The following LMBR1 variants were observed in gnomAD, a reference collection of about 807,000 sequenced individuals.
The protein encoded by LMBR1 is limb region 1 protein homolog.
In LMBR1, 52 loss-of-function variants were observed where a neutral mutation model predicts 73.9. The observed-to-expected ratio is 0.70, with a 90% CI of 0.56 to 0.89. The LOEUF (loss-of-function observed/expected upper bound fraction) is 0.89, where lower values mean the gene tolerates loss of function less well. Ranked by LOEUF, LMBR1 falls within the 40% of genes least tolerant of loss-of-function variation. The pLI is 0.00. For synonymous variants in LMBR1, 215 were observed against 209.4 expected (o/e 1.03, Z -0.23); for missense variants, 539 against 579.8 (o/e 0.93, Z 0.72).
At chr7:156,774,732 T>C (rs1182156257) in intron 5 of LMBR1, among the ~76,000 whole-genome samples, 1 of 151,952 alleles carries the variant, frequency 6.6e-6, no homozygotes. Context: ...CTCAGGAGGC[T>C]GAGGCAGGAG....
At chr7:156,876,761 C>A (rs1800237800) in intron 1 of LMBR1, among the ~76,000 whole-genome samples, 1 of 152,100 alleles carries the variant, frequency 6.6e-6, no homozygotes, top group Admixed American at 6.6e-5. Flanking sequence ...TTTTAAAATT[C>A]TTCAAACCAA....
intron 1 of LMBR1, among the ~76,000 whole-genome samples, chr7:156,852,204 A>G (rs1340144931): frequency 6.6e-6 from 1 of 152,240 alleles, no homozygotes; most frequent in African/African-American, 2.4e-5. Context: ...GGAAATGGGA[A>G]AAACAAAGTA....
At chr7:156,833,426 G>A (rs772736738) in intron 3 of LMBR1, 18 of 258,432 alleles carry the variant, frequency 7.0e-5, no homozygotes, top group Middle Eastern at 1.1e-3. Flanking sequence ...TCCGCTGCTC[G>A]GTTCAAGAGC....
chr7:156,802,903 G>C (rs1372983542), intron 4 of LMBR1, among the ~76,000 whole-genome samples: 1 of 152,070 alleles, frequency 6.6e-6, no homozygotes, highest in Non-Finnish European at 1.5e-5. Flanking sequence ...AATGGGGAAA[G>C]GATTCCCTAT....
At chr7:156,877,791 G>A (rs1417578600) in intron 1 of LMBR1, among the ~76,000 whole-genome samples, 1 of 151,888 alleles carries the variant, frequency 6.6e-6, no homozygotes, top group East Asian at 1.9e-4. Context: ...GCTGAAGCAG[G>A]AGAATGGCGT....
intron 9 of LMBR1, among the ~76,000 whole-genome samples, chr7:156,746,231 T>C (rs1162587604): frequency 6.6e-6 from 1 of 152,212 alleles, no homozygotes; most frequent in Non-Finnish European, 1.5e-5. Context: ...AACTTGTATA[T>C]CTCATTGACT....
intron 1 of LMBR1, among the ~76,000 whole-genome samples, chr7:156,866,132 G>A (rs1367520710): frequency 6.6e-6 from 1 of 150,582 alleles, no homozygotes; most frequent in Non-Finnish European, 1.5e-5. Context: ...AATCAAGAAA[G>A]TAAAAAGATG....
chr7:156,858,097 A>G (rs114861864), intron 1 of LMBR1, among the ~76,000 whole-genome samples: 2,361 of 151,676 alleles, frequency 0.016, 62 homozygotes, highest in African/African-American at 0.053. Flanking sequence ...AAAGTTTAAA[A>G]AAAGCACAAA....
chr7:156,693,667 A>G (rs1246877079), intron 15 of LMBR1, among the ~76,000 whole-genome samples: 1 of 152,242 alleles, frequency 6.6e-6, no homozygotes, highest in Non-Finnish European at 1.5e-5. Context: ...AGCAAAGAAA[A>G]GCCCAGGACC....
chr7:156,773,084 C>T (rs1825499175), intron 5 of LMBR1, among the ~76,000 whole-genome samples: 2 of 150,620 alleles, frequency 1.3e-5, no homozygotes, highest in Non-Finnish European at 3.0e-5. Context: ...AGAATGGCCA[C>T]AAAAAAATGA....
intron 5 of LMBR1, among the ~76,000 whole-genome samples, chr7:156,782,207 C>T (rs938731278): frequency 2.6e-5 from 4 of 152,170 alleles, no homozygotes; most frequent in African/African-American, 7.2e-5. Context: ...GTGTGGTTTA[C>T]TCATTATTCA....
chr7:156,733,932 G>C (rs573727592), intron 10 of LMBR1: 3 of 306,754 alleles, frequency 9.8e-6, no homozygotes, highest in Admixed American at 4.7e-5. Context: ...GAAGGCAATG[G>C]AGCAACATCT....
intron 5 of LMBR1, among the ~76,000 whole-genome samples, chr7:156,772,191 T>C (rs1328808683): frequency 6.6e-6 from 1 of 152,108 alleles, no homozygotes; most frequent in Non-Finnish European, 1.5e-5. Context: ...GGAGAATCAC[T>C]TGAACCTGGG....
intron 9 of LMBR1, among the ~76,000 whole-genome samples, chr7:156,736,817 A>G (rs767205879): frequency 3.9e-5 from 6 of 152,212 alleles, no homozygotes; most frequent in African/African-American, 9.7e-5. Flanking sequence ...AGAATTAGCA[A>G]TAATTTTTCT....
chr7:156,805,215 CTTTTT>C (rs58044015), intron 4 of LMBR1, among the ~76,000 whole-genome samples: 1 of 122,778 alleles, frequency 8.1e-6, no homozygotes, highest in Non-Finnish European at 1.7e-5. Flanking sequence ...ACATCATGCA[CTTTTT>C]TTTTTTTTTT....
intron 4 of LMBR1, among the ~76,000 whole-genome samples, chr7:156,813,262 T>C (rs1833399037): frequency 6.6e-6 from 1 of 152,178 alleles, no homozygotes; most frequent in African/African-American, 2.4e-5. Flanking sequence ...TAGTCCTCAA[T>C]AATACAGAAA....
At chr7:156,865,985 G>T (rs1798392551) in intron 1 of LMBR1, among the ~76,000 whole-genome samples, 1 of 151,672 alleles carries the variant, frequency 6.6e-6, no homozygotes, top group Admixed American at 6.6e-5. Context: ...TAAAATTATT[G>T]GAAGAAGGTA....
intron 1 of LMBR1, among the ~76,000 whole-genome samples, chr7:156,891,233 T>C (rs10241955): frequency 0.32 from 21,954 of 67,560 alleles, 3,987 homozygotes; most frequent in East Asian, 0.42. Context: ...TATATATATA[T>C]ACACACACAC....
intron 1 of LMBR1, among the ~76,000 whole-genome samples, chr7:156,870,090 G>A (rs1057155816): frequency 1.3e-5 from 2 of 152,168 alleles, no homozygotes; most frequent in Non-Finnish European, 2.9e-5. Flanking sequence ...GAACTAAAGG[G>A]AGAAATAAAC....
Sources: allele counts gnomAD v4.1 joint callset (sites outside exome capture counted in the v4.1 genomes callset), GRCh38; gene constraint gnomAD v4.1.1; transcripts MANE v1.5; gene names NCBI Gene and HGNC (gene_info 2026-07-23, HGNC 2026-07-21).